NBPF12: variants seen among roughly 807,000 people sequenced by gnomAD.
The protein encoded by NBPF12 is NBPF member 12.
Under a neutral mutation model 146.4 loss-of-function variants are expected in NBPF12, and 115 were observed. The observed-to-expected ratio is 0.79, with a 90% CI of 0.68 to 0.92. The LOEUF is 0.92. NBPF12 is among the 40% of genes least tolerant of loss of function. NBPF12 has a pLI of 0.00. For synonymous variants in NBPF12, 385 were observed against 508.9 expected, an observed-to-expected ratio of 0.76 and a Z score of 3.28; for missense variants, 1,205 against 1,326.8, an observed-to-expected ratio of 0.91 and a Z score of 1.43.
At chr1:146,960,446 T>C in intron 4 of NBPF12, 128 bp downstream of exon 7, 2 of 611,584 alleles carry the variant, frequency 3.3e-6, no homozygotes, top group Non-Finnish European at 5.8e-6. Context: ...CAGAAATGGG[T>C]ATTTTAACAT....
At chr1:146,962,166 G>A (rs1343726720) in exon 5 of NBPF12, 45 of 1,608,678 alleles carry the variant, frequency 2.8e-5, no homozygotes, top group Non-Finnish European at 3.7e-5. Context: ...CTCAGAGTAT[G>A]AAGAGTGTAA....
At chr1:146,941,290 G>T (rs1243473069) in intron 1 of NBPF12, among the ~76,000 whole-genome samples, 3 of 151,768 alleles carry the variant, frequency 2.0e-5, no homozygotes, top group Non-Finnish European at 4.4e-5. Flanking sequence ...TTGCCATGTT[G>T]CATAGCCCGA....
At chr1:146,962,775 A>T (rs1169556478) in intron 5 of NBPF12, among the ~76,000 whole-genome samples, 5 of 149,544 alleles carry the variant, frequency 3.3e-5, no homozygotes, top group Non-Finnish European at 5.9e-5. Flanking sequence ...GTATTTTCAC[A>T]TGGAAATGTC....
chr1:146,975,128 C>A lies in NBPF12; in HGVS notation c.1904+287C>A, dbSNP rs1353793314. Among the ~76,000 whole-genome samples, 146 of 130,190 alleles carry A rather than the reference C, an allele frequency of 1.1e-3. 18 individuals are homozygous for A. Among genetic ancestry groups the A allele is most frequent in the African/African-American group, 4.1e-3 (130 of 31,600 alleles). The allele number at this position is 130,190 out of a possible 152,430, so 85.4% of individuals were successfully genotyped here. On this transcript the variant is annotated intron_variant, in intron 15 of 33. Coordinates refer to ENST00000617844, the Ensembl canonical transcript of NBPF12. ...CAAAGGAGTGTGAACCACACAGCAG[C>A]ATTCAGTATACTCAAAATGGTGTGC...
intron 5 of NBPF12, among the ~76,000 whole-genome samples, chr1:146,962,740 C>A (rs1276832305): frequency 6.7e-6 from 1 of 148,398 alleles, no homozygotes; most frequent in South Asian, 2.3e-4. Flanking sequence ...GGCTTTGTAT[C>A]TAGTGGCCGC....
chr1:146,952,582 C>CTTGGGGATA (rs1655370718), intron 2 of NBPF12, among the ~76,000 whole-genome samples: 1 of 149,762 alleles, frequency 6.7e-6, no homozygotes, highest in Non-Finnish European at 1.5e-5. Context: ...TGAGCACAGA[C>CTTGGGGATA]TTGGGGATAT....
chr1:146,970,175 C>A lies in NBPF12; in HGVS notation c.1307-472C>A, dbSNP rs1656499313. Among the ~76,000 whole-genome samples the A allele has an allele frequency of 1.3e-5, 2 of 150,596 alleles. 1 individual carries two copies. The highest frequency in any genetic ancestry group is 5.0e-5 in the African/African-American group (2 of 40,382). ...AAGTGCTTCAGACTGGAGCACTCCCCATGGATAGAATGTCCCTGAATAACA... is the reference window on the plus strand; with the variant it reads ...AAGTGCTTCAGACTGGAGCACTCCCAATGGATAGAATGTCCCTGAATAACA... On this transcript the variant is annotated intron_variant, in intron 11 of 33. Coordinates refer to ENST00000617844, the Ensembl canonical transcript of NBPF12.
At chr1:146,984,764 G>C in intron 21 of NBPF12, 49 bp from the exon 25 acceptor site, 1 of 869,420 alleles carries the variant, frequency 1.2e-6, no homozygotes. Flanking sequence ...GGGGCTGTGT[G>C]GTTTCTGATT....
At chr1:146,986,568 CCAGA>C (rs1657777100) in intron 24 of NBPF12, 44 bp downstream of exon 27, 1 of 878,212 alleles carries the variant, frequency 1.1e-6, no homozygotes, top group East Asian at 2.4e-5. Context: ...ACCTGGCCTT[CCAGA>C]TAGGGGTGAT....
exon 5 of NBPF12, chr1:146,962,162 G>A (rs1479471509): frequency 1.4e-5 from 23 of 1,608,706 alleles, no homozygotes; most frequent in African/African-American, 1.1e-4. Context: ...TTTTCTCAGA[G>A]TATGAAGAGT....
At chr1:146,961,162 G>A (rs1393050817) in intron 4 of NBPF12, among the ~76,000 whole-genome samples, 2 of 151,710 alleles carry the variant, frequency 1.3e-5, no homozygotes, top group African/African-American at 2.4e-5. Context: ...ACAAACAAAA[G>A]GATAAATAAA....
intron 9 of NBPF12, among the ~76,000 whole-genome samples, chr1:146,967,477 G>C (rs1421729789): frequency 1.3e-5 from 2 of 149,306 alleles, no homozygotes; most frequent in Non-Finnish European, 3.0e-5. Flanking sequence ...CTCCAGCCTG[G>C]GTGACAGGGC....
intron 2 of NBPF12, among the ~76,000 whole-genome samples, chr1:146,953,027 G>A (rs1274364036): frequency 8.6e-5 from 13 of 151,232 alleles, no homozygotes; most frequent in African/African-American, 2.2e-4. Context: ...GGGGAACAGC[G>A]GCGTGCCTGT....
chr1:146,967,133 G>A (rs1259999347), intron 9 of NBPF12, among the ~76,000 whole-genome samples: 1 of 150,754 alleles, frequency 6.6e-6, no homozygotes. Context: ...ATAGTAGCCA[G>A]TACCCGCTCT....
chr1:146,982,233 GT>G (rs1657445348), intron 19 of NBPF12, among the ~76,000 whole-genome samples: 2 of 117,810 alleles, frequency 1.7e-5, no homozygotes, highest in African/African-American at 3.5e-5. Flanking sequence ...TACAGATGGG[GT>G]TTTGGCGTGG....
chr1:146,963,398 G>C (rs1272886384), intron 6 of NBPF12, 89 bp downstream of exon 9: 1 of 1,603,144 alleles, frequency 6.2e-7, no homozygotes, highest in Non-Finnish European at 8.5e-7. Flanking sequence ...AGTTGTATCA[G>C]TGGGGTTTTT....
chr1:146,946,423 C>T (rs1241573216), upstream of NBPF12, among the ~76,000 whole-genome samples: 1 of 149,342 alleles, frequency 6.7e-6, no homozygotes, highest in Non-Finnish European at 1.5e-5. Flanking sequence ...TTTTAATGTG[C>T]AATTCCCTCA....
intron 16 of NBPF12, among the ~76,000 whole-genome samples, chr1:146,976,387 T>A (rs1177072041): frequency 7.4e-6 from 1 of 134,416 alleles, no homozygotes; most frequent in Non-Finnish European, 1.5e-5. Flanking sequence ...ATGAAGCCCC[T>A]CTCCGTGTGG....
At chr1:146,983,861 G>GA (rs1333004341) in intron 20 of NBPF12, among the ~76,000 whole-genome samples, 2 of 131,076 alleles carry the variant, frequency 1.5e-5, no homozygotes, top group Non-Finnish European at 3.2e-5. Flanking sequence ...ATTTATTGGG[G>GA]AAAAAATTGC....
Sources: allele counts gnomAD v4.1 joint callset (sites outside exome capture counted in the v4.1 genomes callset), GRCh38; gene constraint gnomAD v4.1.1; transcripts MANE v1.5; gene names NCBI Gene and HGNC (gene_info 2026-07-23, HGNC 2026-07-21).